The following ATG7 variants were observed in gnomAD, a reference collection of about 807,000 sequenced individuals.
ATG7 encodes the protein ubiquitin-like modifier-activating enzyme ATG7.
ATG7 carries 70 observed loss-of-function variants against 82.4 expected under a neutral mutation model. That is an observed-to-expected ratio of 0.85 (90% confidence interval 0.70 to 1.04). The LOEUF is 1.04. Ranked by LOEUF, ATG7 falls within the 50% of genes least tolerant of loss-of-function variation. The pLI is 0.00. For missense variants in ATG7, 792 were observed against 864.3 expected (o/e 0.92, Z 1.05); for synonymous variants, 287 against 313.0 (o/e 0.92, Z 0.88).
At chr3:11,356,982 G>A (rs1016053915) in intron 14 of ATG7, among the ~76,000 whole-genome samples, 1 of 151,936 alleles carries the variant, frequency 6.6e-6, no homozygotes, top group Non-Finnish European at 1.5e-5. Flanking sequence ...TTTTGAAATT[G>A]TTGTTCTTCC....
chr3:11,324,767 A>G (rs754518556), intron 9 of ATG7, among the ~76,000 whole-genome samples: 8 of 152,216 alleles, frequency 5.3e-5, no homozygotes, highest in Non-Finnish European at 1.0e-4. Flanking sequence ...TATAATTTAG[A>G]TATCATTTAG....
chr3:11,396,512 G>A (rs2079289995), intron 19 of ATG7, among the ~76,000 whole-genome samples: 1 of 151,994 alleles, frequency 6.6e-6, no homozygotes, highest in African/African-American at 2.4e-5. Context: ...ATATTGAGTG[G>A]GATATTTTTT....
chr3:11,481,724 A>G (rs1338931917), intron 20 of ATG7, among the ~76,000 whole-genome samples: 1 of 152,326 alleles, frequency 6.6e-6, no homozygotes, highest in East Asian at 1.9e-4. Context: ...TTCAGCTCCT[A>G]TCTTGAGACT....
downstream of ATG7, chr3:11,558,849 G>A (rs1243588278): frequency 6.2e-7 from 1 of 1,607,770 alleles, no homozygotes; most frequent in East Asian, 2.2e-5. Context: ...CAGGAAGGCA[G>A]GCAGTCAGAC....
At chr3:11,420,742 A>G (rs1225576174) in intron 19 of ATG7, among the ~76,000 whole-genome samples, 1 of 151,242 alleles carries the variant, frequency 6.6e-6, no homozygotes, top group African/African-American at 2.4e-5. Context: ...TACCTTAAGT[A>G]ATACAAAATA....
At chr3:11,418,914 C>T (rs73017684) in intron 19 of ATG7, among the ~76,000 whole-genome samples, 9 of 152,138 alleles carry the variant, frequency 5.9e-5, no homozygotes, top group African/African-American at 2.2e-4. Flanking sequence ...ACTTTTAAAT[C>T]ATCAGATCTC....
At chr3:11,317,596 T>G (rs1333077546) in intron 9 of ATG7, among the ~76,000 whole-genome samples, 1 of 146,620 alleles carries the variant, frequency 6.8e-6, no homozygotes, top group East Asian at 2.0e-4. Context: ...TTTTTTTTTT[T>G]TTTTTTTTGT....
At chr3:11,351,703 C>T (rs1332649939) in intron 14 of ATG7, among the ~76,000 whole-genome samples, 1 of 152,140 alleles carries the variant, frequency 6.6e-6, no homozygotes. Context: ...ATCCTTCATG[C>T]CTTATAAATA....
downstream of ATG7, among the ~76,000 whole-genome samples, chr3:11,560,227 G>A (rs116939195): frequency 2.8e-3 from 419 of 152,278 alleles, 8 homozygotes; most frequent in Admixed American, 0.017. Context: ...AGGTGCTCCC[G>A]TAAGACCATG....
chr3:11,403,110 G>A (rs2079994899), intron 19 of ATG7, among the ~76,000 whole-genome samples: 1 of 152,104 alleles, frequency 6.6e-6, no homozygotes, highest in Non-Finnish European at 1.5e-5. Flanking sequence ...ATCTAAATTT[G>A]TGTTTCTTAA....
intron 9 of ATG7, among the ~76,000 whole-genome samples, chr3:11,316,333 A>G (rs919066549): frequency 2.6e-5 from 4 of 151,982 alleles, no homozygotes; most frequent in Non-Finnish European, 4.4e-5. Context: ...AATCTTATCT[A>G]TTTTTCTCCA....
chr3:11,369,321 C>T (rs1190594618), intron 18 of ATG7, among the ~76,000 whole-genome samples: 2 of 150,976 alleles, frequency 1.3e-5, no homozygotes, highest in African/African-American at 4.9e-5. Flanking sequence ...TTCTAAACCT[C>T]TCTGGTTGAT....
In ATG7 at chr3:11,467,936, T is replaced by C. The variant is rs553694995; in HGVS notation, c.2079+41010T>C. Among the ~76,000 whole-genome samples the C allele has an allele frequency of 2.6e-5, 4 of 152,358 alleles. No homozygotes were observed. In the East Asian group the frequency reaches 7.7e-4, roughly 29 times the overall value. On this transcript the variant is annotated intron_variant, in intron 20 of 20. Coordinates refer to ENST00000693202, the MANE Select transcript of ATG7 (RefSeq NM_001349232.2). ...AGAAAGAATTCCTCCCCCAGTGTCA[T>C]GGCTAAATTTATATACAGTAGCTGA...
At chr3:11,428,314 G>A in intron 20 of ATG7, among the ~76,000 whole-genome samples, 1 of 152,258 alleles carries the variant, frequency 6.6e-6, no homozygotes. Context: ...CTGCTGTTTG[G>A]AGAGGTGGAG....
intron 20 of ATG7, among the ~76,000 whole-genome samples, chr3:11,508,610 A>G (rs2091877193): frequency 6.6e-6 from 1 of 152,012 alleles, no homozygotes; most frequent in African/African-American, 2.4e-5. Flanking sequence ...ATGCCTGCTA[A>G]TATTATTATT....
intron 13 of ATG7, among the ~76,000 whole-genome samples, chr3:11,343,854 T>A (rs938295986): frequency 6.6e-6 from 1 of 152,216 alleles, no homozygotes; most frequent in Non-Finnish European, 1.5e-5. Flanking sequence ...CCTATATTCA[T>A]GCTCACTGTT....
chr3:11,456,436 C>T (rs1247830675), intron 20 of ATG7, among the ~76,000 whole-genome samples: 1 of 152,186 alleles, frequency 6.6e-6, no homozygotes, highest in East Asian at 1.9e-4. Flanking sequence ...AATTATGCTG[C>T]TGTGAACATT....
At chr3:11,338,705 C>T (rs906741629) in intron 11 of ATG7, among the ~76,000 whole-genome samples, 1 of 152,174 alleles carries the variant, frequency 6.6e-6, no homozygotes, top group Non-Finnish European at 1.5e-5. Flanking sequence ...AAAAATACCA[C>T]ATCAGAGTGC....
chr3:11,559,967 A>G (rs773604445), downstream of ATG7, among the ~76,000 whole-genome samples: 3 of 152,114 alleles, frequency 2.0e-5, no homozygotes, highest in Non-Finnish European at 4.4e-5. Context: ...CGGGACAGAG[A>G]GGAAATGGAG....
Sources: gnomAD v4.1 joint callset for allele counts (sites outside exome capture counted in the v4.1 genomes callset) on GRCh38, gnomAD v4.1.1 for gene constraint, MANE v1.5 for transcripts, NCBI Gene and HGNC (gene_info 2026-07-23, HGNC 2026-07-21) for gene names.